ANKS1A: variants seen among roughly 807,000 people sequenced by gnomAD.
ANKS1A encodes ankyrin repeat and SAM domain-containing protein 1A.
ANKS1A carries 55 observed loss-of-function variants against 120.3 expected under a neutral mutation model. The observed-to-expected ratio is 0.46, with a 90% CI of 0.37 to 0.57. The LOEUF is 0.57. Among genes scored for constraint, ANKS1A ranks in the 20% least tolerant of loss-of-function variants. ANKS1A has a pLI of 0.00. For synonymous variants in ANKS1A, 590 were observed against 604.7 expected (o/e 0.98, Z 0.36); for missense variants, 1,123 against 1,480.3 (o/e 0.76, Z 3.96).
Position 35,074,005 on chromosome 6 carries a change from T to A in ANKS1A, c.2185-4553T>A, listed in dbSNP as rs192766943. ...TGGTTTGCCTTTCTTTTCTGTCATTTCCTTTATTTTTGTGTGTTTCCATTC... is the reference window on the plus strand; with the variant it reads ...TGGTTTGCCTTTCTTTTCTGTCATTACCTTTATTTTTGTGTGTTTCCATTC... On this transcript the variant is annotated intron_variant, in intron 13 of 23. Coordinates refer to ENST00000360359, the MANE Select transcript of ANKS1A (RefSeq NM_015245.3). 3.0e-4 allele frequency among the ~76,000 whole-genome samples: 45 copies of A among 152,380 alleles called. No individual in the cohort carries two copies. In the East Asian group the frequency reaches 7.7e-3, roughly 26 times the overall value.
intron 11 of ANKS1A, among the ~76,000 whole-genome samples, chr6:35,021,777 G>A (rs1459423490): frequency 6.6e-6 from 1 of 152,082 alleles, no homozygotes; most frequent in Non-Finnish European, 1.5e-5. Context: ...CCTGAGGTCA[G>A]GAGTTCGAGA....
rs1297971045 is a variant in ANKS1A at position 35,083,432 on chromosome 6, A to G, written c.2923A>G (p.Met975Val). Residue 975 changes from methionine (M) to valine (V), a missense_variant, in exon 20 of 24, where the codon ATG (methionine) becomes GTG (valine). Transcript: ENST00000360359. Reference protein sequence around the residue: ...CAKMRKSTEHMKKIPTIILSI... With the variant: ...CAKMRKSTEHVKKIPTIILSI... ...TTTCCTGTAGAAATCTACGGAGCACATGAAGAAGATCCCCACCATCATCCT... is the reference window on the plus strand; with the variant it reads ...TTTCCTGTAGAAATCTACGGAGCACGTGAAGAAGATCCCCACCATCATCCT... 1.2e-6 allele frequency: 2 copies of G among 1,614,092 alleles called. No individual in the cohort carries two copies. Among genetic ancestry groups the G allele is most frequent in the Non-Finnish European group, 8.5e-7 (1 of 1,179,992 alleles).
rs1777959298 is a variant in ANKS1A at position 35,086,081 on chromosome 6, C to T, written c.3303+145C>T. On this transcript the variant is annotated intron_variant, in intron 22 of 23. Coordinates refer to ENST00000360359, the MANE Select transcript of ANKS1A (RefSeq NM_015245.3). The surrounding 1 kb of genome is among the most constrained non-coding windows in gnomAD (Gnocchi z 5.1). The stretch of plus-strand genomic sequence containing the variant: ...TGACCCTCTTAATTGTCCCCCAACC[C>T]TGCCAGGTCTCGCCCCTGGAAAGGC... 1 of 1,303,354 alleles carries T rather than the reference C, an allele frequency of 7.7e-7. No homozygotes were observed. Among genetic ancestry groups the T allele is most frequent in the Non-Finnish European group, 1.0e-6 (1 of 976,150 alleles). The allele number at this position is 1,303,354 out of a possible 1,614,324, so 80.7% of individuals were successfully genotyped here.
At chr6:35,083,016 C>T in intron 18 of ANKS1A, 139 bp from the exon 19 acceptor site, 1 of 1,273,208 alleles carries the variant, frequency 7.9e-7, no homozygotes, top group Non-Finnish European at 1.1e-6. Flanking sequence ...AATGGAGGGT[C>T]TCTCCAGCTG....
In ANKS1A at chr6:35,088,727, C is replaced by T; in HGVS notation, c.*118C>T. The T allele has an allele frequency of 1.2e-6, 2 of 1,606,096 alleles. No homozygotes were observed. Among genetic ancestry groups the T allele is most frequent in the South Asian group, 2.2e-5 (2 of 90,494 alleles). On this transcript the variant is annotated 3_prime_UTR_variant, in exon 24 of 24. Transcript: ENST00000360359. ...AAGACCCAGGCCTCACCTCCGCCTG[C>T]AGGACCTCCTCTTGGCCACTTGGCC...
chr6:34,915,083 A>T (rs950292152), intron 1 of ANKS1A, among the ~76,000 whole-genome samples: 2 of 152,242 alleles, frequency 1.3e-5, no homozygotes, highest in Admixed American at 1.3e-4. Context: ...TATATATAGA[A>T]GACCATTCTG....
chr6:35,078,699 G>A (rs757440851), intron 14 of ANKS1A, 43 bp downstream of exon 14: 2 of 1,576,138 alleles, frequency 1.3e-6, no homozygotes, highest in Non-Finnish European at 1.7e-6. Flanking sequence ...TGCGGAGCCA[G>A]GGCCACCTCC....
intron 1 of ANKS1A, among the ~76,000 whole-genome samples, chr6:34,943,267 A>C (rs568188574): frequency 3.0e-4 from 45 of 152,276 alleles, no homozygotes; most frequent in Middle Eastern, 3.4e-3. Context: ...CAGCAGTTTT[A>C]GGTTTATAGA....
chr6:35,009,635 G>T (rs937635398), intron 10 of ANKS1A, among the ~76,000 whole-genome samples: 2 of 152,096 alleles, frequency 1.3e-5, no homozygotes, highest in African/African-American at 4.8e-5. Flanking sequence ...GGGCGCGGTG[G>T]ATCTTGCCTG....
Position 34,982,821 on chromosome 6 carries a change from G to A in ANKS1A, c.802G>A (p.Ala268Thr), listed in dbSNP as rs1423771888. 3.1e-6 allele frequency: 5 copies of A among 1,614,066 alleles called. No individual in the cohort carries two copies. The Admixed American group carries it at 8.3e-5, about 27-fold the overall frequency. The change falls in exon 5 of 24, where the codon GCT (alanine) becomes ACT (threonine). Residue 268 changes from alanine to threonine, a missense_variant. By Grantham distance (58) the Ala-to-Thr change is moderately conservative (BLOSUM62 0). Transcript: ENST00000360359. This position sits in a 1 kb window ranked among gnomAD's most constrained non-coding sequence, Gnocchi z 4.9. ...GACCGATGTGGTGCAAATCCTGCTG[G>A]CTGCAGGTGAGAGGTCGGCAGCGCT... ...GKTDVVQILLAAGTDVNIKDN... is the reference protein window; with the variant it reads ...GKTDVVQILLTAGTDVNIKDN...
intron 11 of ANKS1A, among the ~76,000 whole-genome samples, chr6:35,018,729 G>C (rs67385931): frequency 0.06 from 9,040 of 151,922 alleles, 290 homozygotes; most frequent in Middle Eastern, 0.083. Context: ...GTCTATTGTT[G>C]TATCTTTATG....
At chr6:35,069,287 C>T (rs74593059) in intron 13 of ANKS1A, among the ~76,000 whole-genome samples, 3 of 152,006 alleles carry the variant, frequency 2.0e-5, no homozygotes, top group Non-Finnish European at 4.4e-5. Flanking sequence ...GCTGGACCCC[C>T]CTCCTGCAGT....
intron 13 of ANKS1A, among the ~76,000 whole-genome samples, chr6:35,070,439 C>G (rs2762336): frequency 0.8 from 119,837 of 149,762 alleles, 48,923 homozygotes; most frequent in South Asian, 0.92. Context: ...TCACCTAGGA[C>G]ACCTAATCTA....
intron 1 of ANKS1A, among the ~76,000 whole-genome samples, chr6:34,892,083 C>A (rs539396047): frequency 4.3e-4 from 65 of 152,278 alleles, no homozygotes; most frequent in African/African-American, 1.5e-3. Flanking sequence ...CTGTCTCTGC[C>A]ATAAAGTGTG....
chr6:35,088,525 G>A lies in ANKS1A; in HGVS notation c.3402-81G>A, dbSNP rs1581769650. Reference sequence around the variant, plus strand: ...TGTGAGGGATCGTCTGTCCTGCTCTGTGTTTCCTTTCCATTTCCTCCACCG... The same window carrying A: ...TGTGAGGGATCGTCTGTCCTGCTCTATGTTTCCTTTCCATTTCCTCCACCG... On this transcript the variant is annotated intron_variant, in intron 23 of 23. Coordinates refer to ENST00000360359, the MANE Select transcript of ANKS1A (RefSeq NM_015245.3). 7 of 1,572,296 alleles carry A rather than the reference G, an allele frequency of 4.5e-6. No individual in the cohort carries two copies. The South Asian group carries it at 7.8e-5, about 17-fold the overall frequency.
chr6:34,889,506 G>A lies in ANKS1A; in HGVS notation c.104G>A (p.Gly35Asp). ...CGGCTCTCCTCAGGCTTTGGGGGCG[G>A]CGGCGGCGGTGGCTCTGGGGGCGGC... is the stretch of plus-strand genomic sequence containing the variant. Reference protein sequence around the residue: ...GKRLSSGFGGGGGGGSGGGGG... With the variant: ...GKRLSSGFGGDGGGGSGGGGG... Residue 35 changes from glycine to aspartate, a missense_variant, in exon 1 of 24, where the codon GGC (glycine) becomes GAC (aspartate). Physicochemically the swap from Gly to Asp is moderately conservative, Grantham distance 94. Transcript: ENST00000360359. This position sits in a 1 kb window ranked among gnomAD's most constrained non-coding sequence, Gnocchi z 5.5. 2 of 1,275,780 alleles carry A rather than the reference G, an allele frequency of 1.6e-6. No individual in the cohort carries two copies. Among genetic ancestry groups the A allele is most frequent in the Non-Finnish European group, 2.0e-6 (2 of 1,020,224 alleles). 79.0% of individuals were successfully genotyped at this position (1,275,780 alleles called of 1,614,324 possible).
chr6:35,014,219 A>G (rs2127555458), intron 10 of ANKS1A, among the ~76,000 whole-genome samples: 1 of 152,330 alleles, frequency 6.6e-6, no homozygotes, highest in Non-Finnish European at 1.5e-5. Flanking sequence ...GTAGTTTTTA[A>G]TGGGAACAAG....
At chr6:34,997,707 A>G (rs1022550843) in intron 10 of ANKS1A, among the ~76,000 whole-genome samples, 2 of 152,168 alleles carry the variant, frequency 1.3e-5, no homozygotes, top group Admixed American at 6.5e-5. Flanking sequence ...CTTTCATTCA[A>G]AGGTTTCATC....
intron 10 of ANKS1A, among the ~76,000 whole-genome samples, chr6:35,014,696 G>C (rs1431684373): frequency 6.6e-6 from 1 of 152,232 alleles, no homozygotes; most frequent in Non-Finnish European, 1.5e-5. Context: ...TTAGCTCCCA[G>C]TTGTTAAATA....
Sources: gnomAD v4.1 joint callset for allele counts (sites outside exome capture counted in the v4.1 genomes callset) on GRCh38, gnomAD v4.1.1 for gene constraint, Gnocchi (gnomAD v3.1) non-coding constraint, MANE v1.5 for transcripts, NCBI Gene and HGNC (gene_info 2026-07-23, HGNC 2026-07-21) for gene names.